Variants in GPD2 observed in about 807,000 individuals in gnomAD.
GPD2 encodes glycerol-3-phosphate dehydrogenase, mitochondrial.
GPD2 carries 54 observed loss-of-function variants against 82.4 expected under a neutral mutation model. That is an observed-to-expected ratio of 0.66 (90% CI 0.53 to 0.82). GPD2 has a LOEUF of 0.82. Among genes scored for constraint, GPD2 ranks in the 40% least tolerant of loss-of-function variants. The pLI is 0.00. For synonymous variants in GPD2, 288 were observed against 306.1 expected (o/e 0.94, Z 0.62); for missense variants, 748 against 896.2 (o/e 0.83, Z 2.11).
At chr2:156,471,488 A>G (rs1166603588) in intron 1 of GPD2, among the ~76,000 whole-genome samples, 2 of 152,068 alleles carry the variant, frequency 1.3e-5, no homozygotes. Flanking sequence ...TTCCCTCTGG[A>G]CTTCTTTTTA....
intron 13 of GPD2, among the ~76,000 whole-genome samples, chr2:156,573,112 T>C (rs1203700371): frequency 6.6e-6 from 1 of 152,138 alleles, no homozygotes; most frequent in Non-Finnish European, 1.5e-5. Flanking sequence ...CCAAAGATGA[T>C]TACATATCAG....
intron 8 of GPD2, 148 bp downstream of exon 8, chr2:156,550,894 C>T (rs1558956558): frequency 1.3e-6 from 1 of 757,750 alleles, no homozygotes; most frequent in Non-Finnish European, 2.3e-6. Flanking sequence ...TTCCAAAACA[C>T]AAAATACAAA....
intron 1 of GPD2, among the ~76,000 whole-genome samples, chr2:156,473,134 G>A (rs540544164): frequency 2.7e-4 from 41 of 152,260 alleles, no homozygotes; most frequent in Admixed American, 1.9e-3. Flanking sequence ...CCAGATGACC[G>A]TACAGAAGGA....
intron 5 of GPD2, 109 bp downstream of exon 5, chr2:156,512,426 G>A (rs1437559725): frequency 1.3e-6 from 1 of 746,008 alleles, no homozygotes; most frequent in Non-Finnish European, 2.5e-6. Context: ...GGTTTTAATT[G>A]GTCCTAATCT....
In GPD2 at chr2:156,571,243, T is replaced by C. The variant is rs767619514; in HGVS notation, c.1718T>C (p.Ile573Thr). 22 of 1,612,700 alleles carry C rather than the reference T, an allele frequency of 1.4e-5. No individual in the cohort carries two copies. The highest frequency in any genetic ancestry group is 2.7e-5 in the African/African-American group (2 of 74,870). The change falls in exon 13 of 17, where the codon ATT (isoleucine) becomes ACT (threonine). Residue 573 changes from isoleucine (I) to threonine (T), a missense_variant. Ile to Thr is a moderately conservative substitution (Grantham distance 89). This residue lies in a region of GPD2 where 692 missense variants were observed against 809.7 expected (regional missense o/e 0.85). Coordinates refer to ENST00000438166, the MANE Select transcript of GPD2 (RefSeq NM_000408.5). ...GCAGCAGAGGAAGCCCTACCCAGGA[T>C]TGTTGAACTGATGGGCAGGGAACTG... is the stretch of plus-strand genomic sequence containing the variant. ...VQAAEEALPR[I>T]VELMGRELNW...
At position 156,510,929 on chromosome 2, in the gene GPD2, G is replaced by A. The variant is rs759253914; in HGVS notation, c.399+9G>A. 3.7e-6 allele frequency: 6 copies of A among 1,612,996 alleles called. No individual in the cohort carries two copies. The highest frequency in any genetic ancestry group is 4.2e-6 in the Non-Finnish European group (5 of 1,179,144). On this transcript the variant is annotated intron_variant, in intron 4 of 16. Coordinates refer to ENST00000438166, the MANE Select transcript of GPD2 (RefSeq NM_000408.5). ...AGTTGGATATTGAGCAGGTAATTGT[G>A]TATGCTGGTTGTTAAACAAAAATTG...
At chr2:156,443,470 A>G (rs1228360992) in intron 1 of GPD2, among the ~76,000 whole-genome samples, 3 of 152,168 alleles carry the variant, frequency 2.0e-5, no homozygotes, top group Non-Finnish European at 4.4e-5. Context: ...GCTGGGTGTG[A>G]TTGGACACCA....
chr2:156,523,603 A>G (rs1685493792), intron 6 of GPD2, among the ~76,000 whole-genome samples: 1 of 152,056 alleles, frequency 6.6e-6, no homozygotes, highest in Non-Finnish European at 1.5e-5. Context: ...TTTAGTCTGT[A>G]TCTTTAAAGT....
chr2:156,569,969 A>C, intron 11 of GPD2, 118 bp from the exon 12 acceptor site: 2 of 880,590 alleles, frequency 2.3e-6, no homozygotes, highest in Non-Finnish European at 3.7e-6. Context: ...ATACTCTCCG[A>C]GAGCTATTAG....
At chr2:156,453,158 C>T (rs1024487301) in intron 1 of GPD2, among the ~76,000 whole-genome samples, 3 of 152,020 alleles carry the variant, frequency 2.0e-5, no homozygotes, top group African/African-American at 7.3e-5. Flanking sequence ...GCAGTTTCTT[C>T]AGCTGTTTGG....
chr2:156,408,168 G>A, the GPD2 span, among the ~76,000 whole-genome samples: 8 of 151,686 alleles, frequency 5.3e-5, no homozygotes, highest in South Asian at 4.2e-4. Context: ...TTGCCCAGGC[G>A]GGTCTTGAAC....
chr2:156,574,266 C>T (rs2105370887), intron 13 of GPD2, among the ~76,000 whole-genome samples: 1 of 151,576 alleles, frequency 6.6e-6, no homozygotes, highest in South Asian at 2.1e-4. Flanking sequence ...AATTAATATA[C>T]TTGAAAGGAT....
intron 9 of GPD2, among the ~76,000 whole-genome samples, chr2:156,559,311 T>C (rs947105574): frequency 6.6e-6 from 1 of 152,224 alleles, no homozygotes; most frequent in African/African-American, 2.4e-5. Context: ...CTACTCATGA[T>C]TGTTTTGAAT....
chr2:156,424,214 A>AC, the GPD2 span, among the ~76,000 whole-genome samples: 2 of 150,472 alleles, frequency 1.3e-5, no homozygotes, highest in East Asian at 1.9e-4. Flanking sequence ...AAAAAAAAAA[A>AC]CACTATAAAC....
At chr2:156,409,000 G>A in the GPD2 span, among the ~76,000 whole-genome samples, 4 of 152,184 alleles carry the variant, frequency 2.6e-5, no homozygotes, top group Non-Finnish European at 4.4e-5. Context: ...AAAGGGAAAG[G>A]TTGGACAGAG....
In GPD2 at chr2:156,569,408, A is replaced by T. The variant is rs1287648850; in HGVS notation, c.1346A>T (p.Asn449Ile). ...CGGTCTATGGCAGAAGATACCATAA[A>T]TGCTGCTGTCAAAACTCATAATTTA... is the stretch of plus-strand genomic sequence containing the variant. The part of the protein sequence containing the change: ...TYRSMAEDTI[N>I]AAVKTHNLKA... Residue 449 changes from asparagine (N) to isoleucine (I), a missense_variant, in exon 11 of 17, where the codon AAT becomes ATT. By Grantham distance (149) the Asn-to-Ile change is moderately radical (BLOSUM62 -3). Coordinates refer to ENST00000438166, the MANE Select transcript of GPD2 (RefSeq NM_000408.5). The T allele has an allele frequency of 3.7e-6, 6 of 1,611,522 alleles. No individual in the cohort carries two copies. The highest frequency in any genetic ancestry group is 1.7e-5 in the Admixed American group (1 of 59,896).
chr2:156,412,074 T>A, the GPD2 span, among the ~76,000 whole-genome samples: 2 of 152,188 alleles, frequency 1.3e-5, no homozygotes, highest in Non-Finnish European at 2.9e-5. Flanking sequence ...GTAGGATTTA[T>A]TAGTCAGCCT....
At chr2:156,489,952 C>T (rs555360195) in intron 2 of GPD2, among the ~76,000 whole-genome samples, 3 of 151,448 alleles carry the variant, frequency 2.0e-5, no homozygotes, top group East Asian at 3.9e-4. Context: ...TCCCACTACC[C>T]CCTCTCCCTG....
At chr2:156,557,741 G>A (rs1687016972) in intron 9 of GPD2, among the ~76,000 whole-genome samples, 159 bp downstream of exon 9, 1 of 152,086 alleles carries the variant, frequency 6.6e-6, no homozygotes, top group African/African-American at 2.4e-5. Flanking sequence ...TTAACATAAT[G>A]GGGAGAAATT....
Sources: gnomAD v4.1 joint callset for allele counts (sites outside exome capture counted in the v4.1 genomes callset) on GRCh38, gnomAD v4.1.1 for gene constraint, gnomAD v4.1.1 regional missense constraint, MANE v1.5 for transcripts, NCBI Gene and HGNC (gene_info 2026-07-23, HGNC 2026-07-21) for gene names.